The following DYNC2I1 variants were observed in gnomAD, a reference collection of about 807,000 sequenced individuals.
DYNC2I1 encodes the protein cytoplasmic dynein 2 intermediate chain 1.
In DYNC2I1, 89 loss-of-function variants were observed where a neutral mutation model predicts 133.4. The observed-to-expected ratio is 0.67, with a 90% CI of 0.56 to 0.80. The LOEUF (loss-of-function observed/expected upper bound fraction) is 0.80. Among genes scored for constraint, DYNC2I1 ranks in the 30% least tolerant of loss-of-function variants. DYNC2I1 has a pLI of 0.00. For synonymous variants in DYNC2I1, 504 were observed against 484.3 expected (o/e 1.04, Z -0.54); for missense variants, 1,291 against 1,314.5 (o/e 0.98, Z 0.28).
rs746483898 is a variant in DYNC2I1 at position 158,934,431 on chromosome 7, A to G, written c.2660A>G (p.His887Arg). The G allele has an allele frequency of 3.7e-6, 6 of 1,603,492 alleles. No homozygotes were observed. The highest frequency in any genetic ancestry group is 3.4e-5 in the Admixed American group (2 of 58,532). ...TCTTCTTCACAGGGTCTCATAAGCC[A>G]TGGCACAAGACAAGATTTGAGAGTG... ...IIGTDMGLIS[H>R]GTRQDLRVAP... The change falls in exon 23 of 25, where the codon CAT becomes CGT. Residue 887 changes from histidine to arginine, a missense_variant. Transcript: ENST00000407559.
rs752406028 is a variant in DYNC2I1 at position 158,942,132 on chromosome 7, C to T, written c.2986C>T (p.Gln996Ter). Reference protein sequence around the residue: ...QSDLGPVAKQQVSPNRLVAMA... With the variant: ...QSDLGPVAKQ ...CGATCTGGGTCCTGTCGCCAAACAGCAGGTCTCCCCCAACAGGCAAGTGGG... is the reference window on the plus strand; with the variant it reads ...CGATCTGGGTCCTGTCGCCAAACAGTAGGTCTCCCCCAACAGGCAAGTGGG... The change falls in exon 24 of 25, where the codon CAG becomes TAG. Residue 996 changes from glutamine (Q) to a stop codon, truncating the protein, a stop_gained. Coordinates refer to ENST00000407559, the MANE Select transcript of DYNC2I1 (RefSeq NM_018051.5). LOFTEE classifies it low-confidence loss of function (END_TRUNC). The T allele has an allele frequency of 1.9e-6, 3 of 1,554,810 alleles. No individual in the cohort carries two copies. The highest frequency in any genetic ancestry group is 2.6e-6 in the Non-Finnish European group (3 of 1,147,090).
At chr7:158,886,218 C>G (rs888706697) in intron 6 of DYNC2I1, among the ~76,000 whole-genome samples, 1 of 151,790 alleles carries the variant, frequency 6.6e-6, no homozygotes, top group African/African-American at 2.4e-5. Flanking sequence ...GTAACCTCTA[C>G]CTCCCTGGTT....
chr7:158,886,939 T>C, intron 6 of DYNC2I1, 82 bp from the exon 7 acceptor site: 3 of 1,306,242 alleles, frequency 2.3e-6, no homozygotes, highest in Non-Finnish European at 3.3e-6. Context: ...TGTTAAGAGC[T>C]TTCACTGATA....
chr7:158,910,986 A>T (rs1847399977), intron 11 of DYNC2I1, among the ~76,000 whole-genome samples: 1 of 147,150 alleles, frequency 6.8e-6, no homozygotes, highest in South Asian at 2.2e-4. Context: ...CTGTGGGAGG[A>T]GCGCGAATGG....
intron 4 of DYNC2I1, among the ~76,000 whole-genome samples, chr7:158,954,667 T>G (rs915942806): frequency 6.6e-6 from 1 of 152,130 alleles, no homozygotes; most frequent in African/African-American, 2.4e-5. Flanking sequence ...TACACTTATT[T>G]CCTACATTCT....
intron 3 of DYNC2I1, among the ~76,000 whole-genome samples, chr7:158,873,833 T>C (rs1306015861): frequency 6.6e-6 from 1 of 152,126 alleles, no homozygotes; most frequent in African/African-American, 2.4e-5. Context: ...CTCGGCCCAC[T>C]GCAGCCTCCG....
intron 5 of DYNC2I1, among the ~76,000 whole-genome samples, chr7:158,880,227 G>T (rs1488343277): frequency 6.6e-6 from 1 of 152,160 alleles, no homozygotes; most frequent in Non-Finnish European, 1.5e-5. Flanking sequence ...ACAGATATTT[G>T]GAAATCTATC....
At chr7:158,870,039 A>G in intron 2 of DYNC2I1, 131 bp downstream of exon 2, 1 of 736,630 alleles carries the variant, frequency 1.4e-6, no homozygotes, top group Non-Finnish European at 2.2e-6. Context: ...CTTTGAACTC[A>G]GAGGTGAAGG....
At chr7:158,881,928 A>G (rs1844074089) in intron 5 of DYNC2I1, among the ~76,000 whole-genome samples, 1 of 152,174 alleles carries the variant, frequency 6.6e-6, no homozygotes, top group Non-Finnish European at 1.5e-5. Context: ...GCTATTCTCC[A>G]TTCCCTAGAT....
intron 1 of DYNC2I1, among the ~76,000 whole-genome samples, chr7:158,858,256 T>C (rs1467800019): frequency 6.6e-6 from 1 of 152,238 alleles, no homozygotes; most frequent in East Asian, 1.9e-4. Flanking sequence ...GTCCGTGATT[T>C]GTTTATAGGT....
At chr7:158,922,748 A>G (rs1186981749) in intron 16 of DYNC2I1, among the ~76,000 whole-genome samples, 199 bp downstream of exon 16, 1 of 152,206 alleles carries the variant, frequency 6.6e-6, no homozygotes, top group South Asian at 2.1e-4. Flanking sequence ...CTTGTAGTTC[A>G]GAATGAGCAA....
intron 4 of DYNC2I1, among the ~76,000 whole-genome samples, chr7:158,878,647 T>C (rs1279389960): frequency 7.5e-6 from 1 of 133,354 alleles, no homozygotes; most frequent in Non-Finnish European, 1.6e-5. Flanking sequence ...GAGGGCCGAC[T>C]CTGAGTGCCA....
At chr7:158,926,041 TTGGTTTTGGGG>T in intron 17 of DYNC2I1, 135 bp from the exon 18 acceptor site, 3 of 652,718 alleles carry the variant, frequency 4.6e-6, no homozygotes. Context: ...GTGGTCCATG[TTGGTTTTGGGG>T]TGTTTTGGGA....
chr7:158,942,007 G>A lies in DYNC2I1; in HGVS notation c.2861G>A (p.Ser954Asn). 1 of 1,613,552 alleles carries A rather than the reference G, an allele frequency of 6.2e-7. No homozygotes were observed. The highest frequency in any genetic ancestry group is 8.5e-7 in the Non-Finnish European group (1 of 1,179,844). ...PLLQWDSSTD[S>N]HAVTGLQWSP... Reference sequence around the variant, plus strand: ...CTGCAGTGGGACAGCAGCACGGACAGCCATGCGGTCACCGGCCTGCAGTGG... The same window carrying A: ...CTGCAGTGGGACAGCAGCACGGACAACCATGCGGTCACCGGCCTGCAGTGG... Residue 954 changes from serine to asparagine, a missense_variant, in exon 24 of 25, where the codon AGC (serine) becomes AAC (asparagine). Transcript: ENST00000407559.
downstream of DYNC2I1, among the ~76,000 whole-genome samples, chr7:158,949,083 A>C (rs994102154): frequency 2.6e-5 from 4 of 152,066 alleles, no homozygotes; most frequent in African/African-American, 9.7e-5. Context: ...CCGAGAGAGC[A>C]GTTCCTCCAA....
chr7:158,870,860 A>G (rs149580466), intron 2 of DYNC2I1, among the ~76,000 whole-genome samples: 9 of 152,230 alleles, frequency 5.9e-5, no homozygotes, highest in African/African-American at 9.6e-5. Flanking sequence ...TAATACACGT[A>G]GTATTTTAGA....
chr7:158,864,592 C>T (rs1292918968), intron 1 of DYNC2I1, among the ~76,000 whole-genome samples: 3 of 152,094 alleles, frequency 2.0e-5, no homozygotes, highest in African/African-American at 7.2e-5. Context: ...TCACTGCAGC[C>T]TCGACCTCCT....
chr7:158,883,910 C>T lies in DYNC2I1; in HGVS notation c.880-654C>T, dbSNP rs1284178792. On this transcript the variant is annotated intron_variant, in intron 5 of 24. Coordinates refer to ENST00000407559, the MANE Select transcript of DYNC2I1 (RefSeq NM_018051.5). ...CGATCTCCTGACCTCGTGATCCGCC[C>T]GCCTCGGCCTCCCAAAGTGCTGGGA... is the stretch of plus-strand genomic sequence containing the variant. Among the ~76,000 whole-genome samples, 4 of 151,368 alleles carry T rather than the reference C, an allele frequency of 2.6e-5. No homozygotes were observed. The South Asian group carries it at 8.3e-4, about 32-fold the overall frequency.
rs538629545 is a variant in DYNC2I1, at chr7:158,880,428, CT to C, written c.879+440del. 8.2e-3 allele frequency among the ~76,000 whole-genome samples: 1,240 copies of C among 152,032 alleles called. 9 individuals carry two copies. Among genetic ancestry groups the C allele is most frequent in the Non-Finnish European group, 0.014 (976 of 67,970 alleles). ...GGTAGGTGCCTATAGTCCTAGCTAC[CT>C]GGGAGGCTGAGGTAGGAGAATCGCT... is the stretch of plus-strand genomic sequence containing the variant. On this transcript the variant is annotated intron_variant, in intron 5 of 24. Coordinates refer to ENST00000407559, the MANE Select transcript of DYNC2I1 (RefSeq NM_018051.5).
Sources: gnomAD v4.1 joint callset for allele counts (sites outside exome capture counted in the v4.1 genomes callset) on GRCh38, gnomAD v4.1.1 for gene constraint, MANE v1.5 for transcripts, NCBI Gene and HGNC (gene_info 2026-07-23, HGNC 2026-07-21) for gene names.